ATR: variants seen among roughly 807,000 people sequenced by gnomAD.
ATR encodes ATR checkpoint kinase, also known as serine/threonine-protein kinase ATR.
ATR carries 142 observed loss-of-function variants against 305.3 expected under a neutral mutation model. The ratio of observed to expected loss-of-function variants is 0.47; its 90% CI spans 0.41 to 0.53. The LOEUF (loss-of-function observed/expected upper bound fraction) is 0.53. Ranked by LOEUF, ATR falls within the 20% of genes least tolerant of loss-of-function variation. ATR has a pLI of 0.00. For synonymous variants in ATR, 1,050 were observed against 1,068.1 expected (o/e 0.98, Z 0.33); for missense variants, 2,135 against 3,133.1 (o/e 0.68, Z 7.60).
At chr3:142,528,546 AT>A (rs1371827503) in intron 21 of ATR, among the ~76,000 whole-genome samples, 1 of 151,854 alleles carries the variant, frequency 6.6e-6, no homozygotes, top group African/African-American at 2.4e-5. Context: ...TATCTGGATA[AT>A]TTTTGCTTAT....
intron 38 of ATR, 109 bp downstream of exon 38, chr3:142,469,228 T>A: frequency 1.2e-6 from 1 of 814,276 alleles, no homozygotes; most frequent in Non-Finnish European, 1.9e-6. Context: ...ACTAATCTAA[T>A]ACAGGAGAGA....
At chr3:142,556,679 T>C in intron 8 of ATR, 104 bp from the exon 9 acceptor site, 1 of 1,071,232 alleles carries the variant, frequency 9.3e-7, no homozygotes. Flanking sequence ...TACATATATA[T>C]AAATAAAAGT....
intron 42 of ATR, among the ~76,000 whole-genome samples, chr3:142,460,983 C>A (rs1478434661): frequency 6.6e-6 from 1 of 152,118 alleles, no homozygotes; most frequent in African/African-American, 2.4e-5. Flanking sequence ...AGCTGTCCCA[C>A]TAGCACACTT....
rs62276447 is a variant in ATR, at chr3:142,568,205, T to A, written c.60-51A>T. On this transcript the variant is annotated intron_variant, in intron 1 of 46. Transcript: ENST00000350721. ...ATCCTTAAAGTGACTCAGTTTCATT[T>A]GCAAAAAAAATTTCTCTAAAGTAGA... 131,915 of 1,477,514 alleles carry A rather than the reference T, an allele frequency of 0.089. 6,902 individuals are homozygous for A. The highest frequency in any genetic ancestry group is 0.13 in the Middle Eastern group (752 of 5,660). 91.5% of individuals were successfully genotyped at this position (1,477,514 alleles called of 1,614,324 possible).
intron 8 of ATR, among the ~76,000 whole-genome samples, chr3:142,557,467 A>G (rs2034713693): frequency 6.6e-6 from 1 of 152,168 alleles, no homozygotes; most frequent in African/African-American, 2.4e-5. Context: ...TAAGTCTCAT[A>G]AAGATAGTGT....
intron 21 of ATR, among the ~76,000 whole-genome samples, chr3:142,525,751 T>G (rs949824111): frequency 6.6e-6 from 1 of 152,150 alleles, no homozygotes; most frequent in Admixed American, 6.5e-5. Context: ...TTTGAGAGTA[T>G]GGCACTCCTC....
chr3:142,560,189 T>A (rs917626182), intron 6 of ATR, 74 bp downstream of exon 6: 1 of 1,434,568 alleles, frequency 7.0e-7, no homozygotes, highest in South Asian at 1.2e-5. Flanking sequence ...ATGAGTCAAG[T>A]GAATAATGAG....
chr3:142,457,248 T>C (rs945826489), intron 45 of ATR, among the ~76,000 whole-genome samples: 1 of 151,994 alleles, frequency 6.6e-6, no homozygotes, highest in East Asian at 1.9e-4. Flanking sequence ...GGTAAATCCA[T>C]AGAGACAGAA....
At position 142,562,996 on chromosome 3, in the gene ATR, T is replaced by C. The variant is rs1231044064; in HGVS notation, c.406A>G (p.Ser136Gly). ...ACCCCAAAAATAGCAGGACTCTTGC[T>C]TTTAAAAAGAAATAATAATGAACAG... ...VICSLLFLFK[S>G]KSPAIFGVLT... Residue 136 changes from serine (S) to glycine (G), a missense_variant, in exon 4 of 47, where the codon AGC (serine) becomes GGC (glycine). This residue lies in a region of ATR where 744 missense variants were observed against 873.2 expected (regional missense o/e 0.85). Transcript: ENST00000350721. 6.3e-7 allele frequency: 1 copy of C among 1,599,644 alleles called. No homozygotes were observed. The highest frequency in any genetic ancestry group is 2.2e-5 in the East Asian group (1 of 44,818).
chr3:142,572,724 G>GT (rs1402635297), intron 1 of ATR, among the ~76,000 whole-genome samples: 1 of 151,906 alleles, frequency 6.6e-6, no homozygotes, highest in East Asian at 1.9e-4. Context: ...AGCCAAGATT[G>GT]TGTCACTGCA....
chr3:142,514,751 T>G (rs1475963964), intron 25 of ATR, among the ~76,000 whole-genome samples: 6 of 133,816 alleles, frequency 4.5e-5, no homozygotes, highest in African/African-American at 1.7e-4. Flanking sequence ...AGACTTACAG[T>G]GAGCCGAGAT....
At chr3:142,523,753 CATT>C (rs905447408) in intron 22 of ATR, among the ~76,000 whole-genome samples, 79 of 152,076 alleles carry the variant, frequency 5.2e-4, no homozygotes, top group African/African-American at 1.8e-3. Context: ...TAAGTATTGT[CATT>C]ATTATATTAG....
chr3:142,451,972 G>T, intron 46 of ATR: 1 of 1,106,518 alleles, frequency 9.0e-7, no homozygotes, highest in South Asian at 2.5e-5. Flanking sequence ...AAAGGAACAT[G>T]TCCCAGAGAC....
intron 8 of ATR, among the ~76,000 whole-genome samples, chr3:142,557,596 C>A (rs2034717480): frequency 6.6e-6 from 1 of 152,024 alleles, no homozygotes; most frequent in Non-Finnish European, 1.5e-5. Context: ...AAATTCAGAA[C>A]AGTAGTAATC....
At chr3:142,570,717 AGTTTTAGTTCTTAT>A (rs1225511661) in intron 1 of ATR, among the ~76,000 whole-genome samples, 3 of 152,182 alleles carry the variant, frequency 2.0e-5, no homozygotes, top group Non-Finnish European at 4.4e-5. Context: ...AGAGTTTCAT[AGTTTTAGTTCTTAT>A]GTTTAGGTAT....
At chr3:142,474,295 A>G (rs2071379788) in intron 36 of ATR, among the ~76,000 whole-genome samples, 1 of 152,162 alleles carries the variant, frequency 6.6e-6, no homozygotes, top group Non-Finnish European at 1.5e-5. Context: ...TTCTGATAGA[A>G]ACTACATTGA....
chr3:142,576,683 T>A (rs2035451787), intron 1 of ATR, among the ~76,000 whole-genome samples: 1 of 152,204 alleles, frequency 6.6e-6, no homozygotes, highest in African/African-American at 2.4e-5. Context: ...GGACACTCAG[T>A]GAAACTACCA....
intron 1 of ATR, among the ~76,000 whole-genome samples, chr3:142,575,434 A>G (rs2035403692): frequency 6.6e-6 from 1 of 150,638 alleles, no homozygotes. Flanking sequence ...CAGTGAGCAG[A>G]GATCACGCCA....
chr3:142,483,861 TA>T (rs1322357243), intron 36 of ATR, among the ~76,000 whole-genome samples: 1 of 146,348 alleles, frequency 6.8e-6, no homozygotes, highest in African/African-American at 2.5e-5. Context: ...TAAAATGAAA[TA>T]AAATAAAATA....
Sources: allele counts gnomAD v4.1 joint callset (sites outside exome capture counted in the v4.1 genomes callset), GRCh38; gene constraint gnomAD v4.1.1; regional missense constraint gnomAD v4.1.1; transcripts MANE v1.5; gene names NCBI Gene and HGNC (gene_info 2026-07-23, HGNC 2026-07-21).